The following NOTCH1 variants were observed in gnomAD, a reference collection of about 807,000 sequenced individuals.
NOTCH1 encodes the protein notch receptor 1.
A neutral mutation model predicts 254.8 loss-of-function variants in NOTCH1; 37 were observed. The ratio of observed to expected loss-of-function variants is 0.15; its 90% confidence interval spans 0.11 to 0.19. NOTCH1 has a LOEUF of 0.19. NOTCH1 is among the 10% of genes least tolerant of loss of function. NOTCH1 has a pLI of 1.00. For missense variants in NOTCH1, 2,972 were observed against 3,708.6 expected, an observed-to-expected ratio of 0.80 and a Z score of 5.16; for synonymous variants, 1,731 against 1,618.1, an observed-to-expected ratio of 1.07 and a Z score of -1.68.
At position 136,505,321 on chromosome 9, in the gene NOTCH1, T is replaced by C. The variant is rs1260223762; in HGVS notation, c.4575A>G (p.Glu1525=). The C allele has an allele frequency of 6.3e-7, 1 of 1,578,348 alleles. No homozygotes were observed. Among genetic ancestry groups the C allele is most frequent in the South Asian group, 1.1e-5 (1 of 87,372 alleles). ...CCCCGCAGCCTTACTTGCACTGGCC[T>C]TCCGCACGCTGGCAGTCAAAGCCGT... ...LFDGFDCQRA[E]GQCNPLYDQY... Residue 1525 remains glutamate, a synonymous_variant, in exon 25 of 34, where the codon GAA becomes GAG. Coordinates refer to ENST00000651671, the MANE Select transcript of NOTCH1 (RefSeq NM_017617.5).
At position 136,519,440 on chromosome 9, in the gene NOTCH1, C is replaced by T. The variant is rs1589069505; in HGVS notation, c.865+3G>A. ...CCCGCCCTGCGGCGACCCGTATACGCGCCTGTCCACTCTGGCGGGCAGCGG... is the reference window on the plus strand; with the variant it reads ...CCCGCCCTGCGGCGACCCGTATACGTGCCTGTCCACTCTGGCGGGCAGCGG... On this transcript the variant is annotated splice_donor_region_variant and intron_variant, in intron 5 of 33. Coordinates refer to ENST00000651671, the MANE Select transcript of NOTCH1 (RefSeq NM_017617.5). The T allele has an allele frequency of 2.5e-6, 4 of 1,612,804 alleles. No homozygotes were observed. The highest frequency in any genetic ancestry group is 2.2e-5 in the East Asian group (1 of 44,884).
intron 27 of NOTCH1, chr9:136,502,945 C>T (rs1478619502): frequency 1.4e-6 from 1 of 695,094 alleles, no homozygotes; most frequent in African/African-American, 1.8e-5. Context: ...GGGAGAGAAG[C>T]AGGCACCCAC....
chr9:136,505,928 G>GC (rs759264955), intron 24 of NOTCH1, 47 bp from the exon 25 acceptor site: 109 of 1,450,408 alleles, frequency 7.5e-5, no homozygotes, highest in Middle Eastern at 4.7e-4. Flanking sequence ...GCCACCCCCC[G>GC]CCCCCCCGCC....
At chr9:136,538,764 G>A (rs1843690633) in intron 2 of NOTCH1, among the ~76,000 whole-genome samples, 1 of 152,242 alleles carries the variant, frequency 6.6e-6, no homozygotes, top group Non-Finnish European at 1.5e-5. Flanking sequence ...GGCACACCTG[G>A]AGGGTGGGCG....
rs550806624 is a variant in NOTCH1 at position 136,510,580 on chromosome 9, C to T, written c.2740+73G>A. 26 of 1,536,446 alleles carry T rather than the reference C, an allele frequency of 1.7e-5. No individual in the cohort carries two copies. In the African/African-American group the frequency reaches 2.0e-4, roughly 12 times the overall value. The stretch of plus-strand genomic sequence containing the variant: ...CTGGGTGCTTATGGCCAGCACCATG[C>T]GCACCAACCCTGCCCGGGGGAACTG... On this transcript the variant is annotated intron_variant, in intron 17 of 33. Coordinates refer to ENST00000651671, the MANE Select transcript of NOTCH1 (RefSeq NM_017617.5).
chr9:136,519,989 G>T (rs1215681320), intron 4 of NOTCH1, among the ~76,000 whole-genome samples: 1 of 152,162 alleles, frequency 6.6e-6, no homozygotes, highest in Non-Finnish European at 1.5e-5. Context: ...CAGGCTGCTG[G>T]CTGGGGCAGG....
chr9:136,532,869 C>T (rs563906663), intron 2 of NOTCH1, among the ~76,000 whole-genome samples: 7 of 152,306 alleles, frequency 4.6e-5, no homozygotes, highest in South Asian at 4.1e-4. Flanking sequence ...TGGGGGTGGC[C>T]GGCCTGGACT....
Position 136,513,061 on chromosome 9 carries a change from G to C in NOTCH1, c.2427C>G (p.Asp809Glu), listed in dbSNP as rs775162462. 1 of 1,437,374 alleles carries C rather than the reference G, an allele frequency of 7.0e-7. No homozygotes were observed. Among genetic ancestry groups the C allele is most frequent in the Middle Eastern group, 2.0e-4 (1 of 5,120 alleles). The allele number at this position is 1,437,374 out of a possible 1,614,324, so 89.0% of individuals were successfully genotyped here. A position where few individuals can be genotyped will look rare whatever the true frequency, so the allele number is the denominator to read the frequency against. Reference sequence around the variant, plus strand: ...GGCAGTTGCACTTGTACCCGGCAACGTCGTCAATACACGTGCCCTGGTTCA... The same window carrying C: ...GGCAGTTGCACTTGTACCCGGCAACCTCGTCAATACACGTGCCCTGGTTCA... Reference protein sequence around the residue: ...PCLNQGTCIDDVAGYKCNCLL... With the variant: ...PCLNQGTCIDEVAGYKCNCLL... The change falls in exon 15 of 34, where the codon GAC becomes GAG. Residue 809 changes from aspartate (D) to glutamate (E), a missense_variant. Asp to Glu is a conservative substitution (Grantham distance 45). Coordinates refer to ENST00000651671, the MANE Select transcript of NOTCH1 (RefSeq NM_017617.5). The surrounding 1 kb of genome is among the most constrained non-coding windows in gnomAD (Gnocchi z 4.7).
In NOTCH1 at chr9:136,494,776, A is replaced by G. The variant is rs1842892242; in HGVS notation, c.*1295T>C. The G allele has an allele frequency of 5.0e-6, 2 of 398,756 alleles. No individual in the cohort carries two copies. The highest frequency in any genetic ancestry group is 4.4e-5 in the Admixed American group (1 of 22,740). 24.7% of individuals were successfully genotyped at this position (398,756 alleles called of 1,614,324 possible). The stretch of plus-strand genomic sequence containing the variant: ...GGCATGACACACAACAGACTCATTC[A>G]TTAAGATTTTTTAAACAAAATCCAC... On this transcript the variant is annotated 3_prime_UTR_variant, in exon 34 of 34. Transcript: ENST00000651671.
chr9:136,541,775 G>A (rs1163362573), intron 2 of NOTCH1, among the ~76,000 whole-genome samples: 2 of 152,228 alleles, frequency 1.3e-5, no homozygotes, highest in Admixed American at 6.5e-5. Flanking sequence ...TCCACAAGCC[G>A]GGCTCGGCTG....
rs770713134 is a variant in NOTCH1, at chr9:136,497,356, G to A, written c.6383C>T (p.Pro2128Leu). Residue 2128 changes from proline (P) to leucine (L), a missense_variant, in exon 34 of 34, where the codon CCG becomes CTG. Pro to Leu is a moderately conservative substitution (Grantham distance 98). Transcript: ENST00000651671. Reference protein sequence around the residue: ...LVRSPQLHGAPLGGTPTLSPP... With the variant: ...LVRSPQLHGALLGGTPTLSPP... Reference sequence around the variant, plus strand: ...CGACAGGGTGGGCGTGCCCCCCAGCGGGGCTCCGTGCAGCTGCGGGCTGCG... The same window carrying A: ...CGACAGGGTGGGCGTGCCCCCCAGCAGGGCTCCGTGCAGCTGCGGGCTGCG... The A allele has an allele frequency of 3.0e-5, 48 of 1,606,806 alleles. No individual in the cohort carries two copies. Among genetic ancestry groups the A allele is most frequent in the Admixed American group, 2.3e-4 (14 of 59,928 alleles).
intron 31 of NOTCH1, 99 bp from the exon 32 acceptor site, chr9:136,499,358 G>C (rs1330021466): frequency 6.7e-7 from 1 of 1,498,304 alleles, no homozygotes; most frequent in Non-Finnish European, 9.0e-7. Context: ...ACTGTCTTCC[G>C]GACACAGACG....
At chr9:136,503,427 CCA>C (rs570542871) in intron 26 of NOTCH1, 97 bp from the exon 27 acceptor site, 88 of 1,578,888 alleles carry the variant, frequency 5.6e-5, no homozygotes, top group East Asian at 5.0e-4. Flanking sequence ...GCCCATGACG[CCA>C]CAGTCAGGAC....
At chr9:136,538,985 A>G (rs765245537) in intron 2 of NOTCH1, among the ~76,000 whole-genome samples, 8 of 152,200 alleles carry the variant, frequency 5.3e-5, no homozygotes, top group Admixed American at 1.3e-4. Flanking sequence ...GGAACTGCCC[A>G]GTGGGCACCG....
rs547903880 is a variant in NOTCH1 at position 136,510,640 on chromosome 9, C to T, written c.2740+13G>A. 80 of 1,601,114 alleles carry T rather than the reference C, an allele frequency of 5.0e-5. No homozygotes were observed. The East Asian group carries it at 1.3e-3, about 27-fold the overall frequency. On this transcript the variant is annotated intron_variant, in intron 17 of 33. Transcript: ENST00000651671. ...AGCTTCCTGGAGGAGGCCAGAGCCG[C>T]GGGGCTACTCACTGGGCCGGCAGTC...
At chr9:136,500,946 T>C (rs1035901375) in intron 30 of NOTCH1, 99 bp from the exon 31 acceptor site, 2 of 1,345,972 alleles carry the variant, frequency 1.5e-6, no homozygotes, top group African/African-American at 1.4e-5. Flanking sequence ...GGCCACGGTG[T>C]GGATGCACCA....
chr9:136,507,017 CG>C lies in NOTCH1; in HGVS notation c.3644-45del, dbSNP rs1432183013. ...TCAGTGGCCCAAGCCCGCCACACCC[CG>C]GCCCTGCCGTGCCGCGTGTCCGTCC... On this transcript the variant is annotated intron_variant, in intron 22 of 33. Transcript: ENST00000651671. 9 of 1,585,254 alleles carry C rather than the reference CG, an allele frequency of 5.7e-6. No individual in the cohort carries two copies. The African/African-American group carries it at 1.2e-4, about 21-fold the overall frequency.
chr9:136,536,522 G>T (rs1247369368), intron 2 of NOTCH1, among the ~76,000 whole-genome samples: 3 of 152,194 alleles, frequency 2.0e-5, no homozygotes, highest in Non-Finnish European at 2.9e-5. Context: ...TGGGGGCTGA[G>T]ATGCCTGCCC....
At chr9:136,522,628 G>A (rs1843390207) in intron 4 of NOTCH1, 1 of 542,200 alleles carries the variant, frequency 1.8e-6, no homozygotes, top group Admixed American at 3.5e-5. Flanking sequence ...CAGAGACACG[G>A]GCTGGCACCT....
Sources: allele counts gnomAD v4.1 joint callset (sites outside exome capture counted in the v4.1 genomes callset), GRCh38; gene constraint gnomAD v4.1.1; non-coding constraint Gnocchi (gnomAD v3.1); transcripts MANE v1.5; gene names NCBI Gene and HGNC (gene_info 2026-07-23, HGNC 2026-07-21).